Variants in CACNA2D4 observed in about 807,000 individuals in gnomAD.
CACNA2D4 encodes the protein calcium voltage-gated channel auxiliary subunit alpha2delta 4.
Under a neutral mutation model 163.8 loss-of-function variants are expected in CACNA2D4, and 157 were observed. The ratio of observed to expected loss-of-function variants is 0.96; its 90% CI spans 0.84 to 1.09. CACNA2D4 has a LOEUF of 1.09. Ranked by LOEUF, CACNA2D4 falls within the 50% of genes least tolerant of loss-of-function variation. The probability of loss-of-function intolerance (pLI) is 0.00; values close to 1 mark genes in which losing one functional copy is unlikely to be tolerated. For synonymous variants in CACNA2D4, 598 were observed against 586.9 expected, an observed-to-expected ratio of 1.02 and a Z score of -0.27; for missense variants, 1,410 against 1,479.9, an observed-to-expected ratio of 0.95 and a Z score of 0.78.
chr12:1,883,891 T>C lies in CACNA2D4; in HGVS notation c.1351+352A>G, dbSNP rs1172812511. The C allele has an allele frequency of 3.8e-6, 1 of 265,356 alleles. No homozygotes were observed. Among genetic ancestry groups the C allele is most frequent in the Non-Finnish European group, 7.2e-6 (1 of 139,010 alleles). The allele number at this position is 265,356 out of a possible 1,614,324, so 16.4% of individuals were successfully genotyped here. A position where few individuals can be genotyped will look rare whatever the true frequency, so the allele number is the denominator to read the frequency against. On this transcript the variant is annotated intron_variant, in intron 12 of 37. Transcript: ENST00000382722. The surrounding 1 kb of genome is among the most constrained non-coding windows in gnomAD (Gnocchi z 4.5). ...GGCCAGGTGCATAGTGGATGCTCAG[T>C]GAATTTTTGTTGAATCAATGGGGTC...
intron 18 of CACNA2D4, among the ~76,000 whole-genome samples, chr12:1,863,769 G>A (rs1315715541): frequency 6.6e-6 from 1 of 152,032 alleles, no homozygotes; most frequent in Non-Finnish European, 1.5e-5. Flanking sequence ...TGCATTATGT[G>A]AGCTGGTCCT....
At chr12:1,814,477 G>T (rs1486890322) in intron 26 of CACNA2D4, among the ~76,000 whole-genome samples, 1 of 152,194 alleles carries the variant, frequency 6.6e-6, no homozygotes, top group Non-Finnish European at 1.5e-5. Flanking sequence ...CAATCCTCTT[G>T]TAAGACAAAA....
In CACNA2D4 at chr12:1,874,180, A is replaced by C. The variant is rs1312830194; in HGVS notation, c.1878+424T>G. Among the ~76,000 whole-genome samples the C allele has an allele frequency of 6.6e-6, 1 of 152,222 alleles. No individual in the cohort carries two copies. The highest frequency in any genetic ancestry group is 6.5e-5 in the Admixed American group (1 of 15,282). ...CCTAACTATCTGGGAATGACAGTGG[A>C]TGAAAATCAGCTGTAGGGAATAGTG... On this transcript the variant is annotated intron_variant, in intron 18 of 37. Transcript: ENST00000382722. The surrounding 1 kb of genome is among the most constrained non-coding windows in gnomAD (Gnocchi z 4.4).
chr12:1,800,857 A>C (rs552481183), intron 31 of CACNA2D4, 186 bp downstream of exon 31: 1 of 614,728 alleles, frequency 1.6e-6, no homozygotes, highest in East Asian at 2.7e-5. Context: ...CCAAAGCCAG[A>C]CCCAGAGGCC....
At chr12:1,881,679 A>G (rs895577997) in intron 13 of CACNA2D4, among the ~76,000 whole-genome samples, 4 of 152,152 alleles carry the variant, frequency 2.6e-5, no homozygotes, top group African/African-American at 9.7e-5. Flanking sequence ...AAACCTGGAC[A>G]CTCAGGGCCC....
chr12:1,913,733 G>T (rs1165839947), intron 2 of CACNA2D4, among the ~76,000 whole-genome samples: 3 of 152,158 alleles, frequency 2.0e-5, no homozygotes, highest in Non-Finnish European at 4.4e-5. Context: ...TTTCTCTCTG[G>T]GCCCAGGGGA....
Position 1,799,769 on chromosome 12 carries a change from C to A in CACNA2D4, c.2975-74G>T. 6.5e-7 allele frequency: 1 copy of A among 1,528,246 alleles called. No homozygotes were observed. Among genetic ancestry groups the A allele is most frequent in the South Asian group, 1.2e-5 (1 of 83,658 alleles). 94.7% of individuals were successfully genotyped at this position (1,528,246 alleles called of 1,614,324 possible). On this transcript the variant is annotated intron_variant, in intron 33 of 37. Transcript: ENST00000382722. This position sits in a 1 kb window ranked among gnomAD's most constrained non-coding sequence, Gnocchi z 4.7. Reference sequence around the variant, plus strand: ...ATGGTGGCACATGAGGGCAGGATGTCATGGGGTGGTGATGATGGCACATGG... The same window carrying A: ...ATGGTGGCACATGAGGGCAGGATGTAATGGGGTGGTGATGATGGCACATGG...
chr12:1,804,965 A>C (rs1360709352), intron 29 of CACNA2D4, among the ~76,000 whole-genome samples: 1 of 152,242 alleles, frequency 6.6e-6, no homozygotes, highest in Non-Finnish European at 1.5e-5. Context: ...CCCCGACTCA[A>C]ATACAGTCCC....
chr12:1,880,974 A>G (rs1000529151), intron 13 of CACNA2D4, among the ~76,000 whole-genome samples: 17 of 152,164 alleles, frequency 1.1e-4, no homozygotes, highest in Non-Finnish European at 2.4e-4. Flanking sequence ...GTCCAGTCAC[A>G]GCTGTCCCTG....
rs980222874 is a variant in CACNA2D4 at position 1,806,745 on chromosome 12, C to G, written c.2721+3533G>C. On this transcript the variant is annotated intron_variant, in intron 29 of 37. Coordinates refer to ENST00000382722, the MANE Select transcript of CACNA2D4 (RefSeq NM_172364.5). The surrounding 1 kb of genome is among the most constrained non-coding windows in gnomAD (Gnocchi z 4.1). ...TTGAGCAGACTGCCAGACCCCAACC[C>G]CAGAGTGCTTGAGTCCCTAGGTCTG... Among the ~76,000 whole-genome samples the G allele has an allele frequency of 6.6e-6, 1 of 152,170 alleles. No homozygotes were observed. Among genetic ancestry groups the G allele is most frequent in the African/African-American group, 2.4e-5 (1 of 41,450 alleles).
intron 18 of CACNA2D4, among the ~76,000 whole-genome samples, chr12:1,861,022 G>A (rs1865514416): frequency 6.6e-6 from 1 of 152,210 alleles, no homozygotes; most frequent in South Asian, 2.1e-4. Flanking sequence ...TGCATTCGGG[G>A]TGCTGAGGTT....
chr12:1,884,834 G>A lies in CACNA2D4; in HGVS notation c.1206C>T (p.Leu402=), dbSNP rs1466117942. 20 of 1,613,754 alleles carry A rather than the reference G, an allele frequency of 1.2e-5. No individual in the cohort carries two copies. Among genetic ancestry groups the A allele is most frequent in the African/African-American group, 4.0e-5 (3 of 74,878 alleles). ...AGTCCTCCACGGCGCCGTCGCTGAT[G>A]AGCATGATGGCCTGGTTGCAGAGGC... ...QGSLCNQAIM[L]ISDGAVEDYE... is the part of the protein sequence containing the mutation. The change falls in exon 11 of 38, where the codon CTC becomes CTT. Residue 402 remains leucine (L), a synonymous_variant. Coordinates refer to ENST00000382722, the MANE Select transcript of CACNA2D4 (RefSeq NM_172364.5).
intron 26 of CACNA2D4, among the ~76,000 whole-genome samples, chr12:1,818,247 G>A: frequency 6.6e-6 from 1 of 151,922 alleles, no homozygotes; most frequent in Non-Finnish European, 1.5e-5. Context: ...CCTCTGCCCG[G>A]CCACCACCCA....
At chr12:1,873,880 T>C (rs898187517) in intron 18 of CACNA2D4, among the ~76,000 whole-genome samples, 1 of 152,226 alleles carries the variant, frequency 6.6e-6, no homozygotes, top group Non-Finnish European at 1.5e-5. Flanking sequence ...CTCCCTGTGC[T>C]TTCTTGTTTG....
At chr12:1,903,040 G>A (rs1238978822) in intron 6 of CACNA2D4, among the ~76,000 whole-genome samples, 1 of 152,126 alleles carries the variant, frequency 6.6e-6, no homozygotes, top group African/African-American at 2.4e-5. Flanking sequence ...GAATAGAATA[G>A]AGAGTGCAGA....
In CACNA2D4 at chr12:1,844,482, C is replaced by T. The variant is rs764405009; in HGVS notation, c.2390G>A (p.Arg797His). The T allele has an allele frequency of 3.0e-5, 49 of 1,613,288 alleles. No individual in the cohort carries two copies. Among genetic ancestry groups the T allele is most frequent in the Admixed American group, 2.7e-4 (16 of 59,912 alleles). Residue 797 changes from arginine (R) to histidine (H), a missense_variant, in exon 25 of 38, where the codon CGC becomes CAC. Transcript: ENST00000382722. The surrounding 1 kb of genome is among the most constrained non-coding windows in gnomAD (Gnocchi z 4.2). ...EDEASVFTLD[R>H]FPLWYRQASE... Reference sequence around the variant, plus strand: ...GGCCTGGCGGTACCACAGCGGGAAGCGGTCCAGGGTGAACACGCTGGCCTC... The same window carrying T: ...GGCCTGGCGGTACCACAGCGGGAAGTGGTCCAGGGTGAACACGCTGGCCTC...
intron 9 of CACNA2D4, 53 bp from the exon 10 acceptor site, chr12:1,885,129 A>T: frequency 6.9e-7 from 1 of 1,452,062 alleles, no homozygotes. Flanking sequence ...GGGCCAGTGG[A>T]GCTTCATGTT....
chr12:1,803,026 C>T (rs12823985), intron 29 of CACNA2D4, among the ~76,000 whole-genome samples: 13,479 of 152,268 alleles, frequency 0.089, 717 homozygotes, highest in Admixed American at 0.18. Context: ...CTGATGGCCA[C>T]GTCAGGTTCT....
At chr12:1,794,276 C>A (rs1172378972) in intron 37 of CACNA2D4, among the ~76,000 whole-genome samples, 4 of 152,192 alleles carry the variant, frequency 2.6e-5, no homozygotes, top group Non-Finnish European at 5.9e-5. Flanking sequence ...TTCGTTAAAG[C>A]ACCTTGGGAT....
Sources: allele counts gnomAD v4.1 joint callset (sites outside exome capture counted in the v4.1 genomes callset), GRCh38; gene constraint gnomAD v4.1.1; non-coding constraint Gnocchi (gnomAD v3.1); transcripts MANE v1.5; gene names NCBI Gene and HGNC (gene_info 2026-07-23, HGNC 2026-07-21).